Variants in MVB12B observed in about 807,000 individuals in gnomAD.
MVB12B encodes the protein ESCRT-I complex subunit MVB12B.
In MVB12B, 16 loss-of-function variants were observed where a neutral mutation model predicts 41.6. That is an observed-to-expected ratio of 0.38 (90% confidence interval 0.26 to 0.58). MVB12B has a LOEUF of 0.58. Ranked by LOEUF, MVB12B falls within the 20% of genes least tolerant of loss-of-function variation. The pLI, the probability that MVB12B is intolerant of heterozygous loss-of-function variation, is 0.62. For missense variants in MVB12B, 274 were observed against 380.2 expected, an observed-to-expected ratio of 0.72 and a Z score of 2.32; for synonymous variants, 133 against 139.7, an observed-to-expected ratio of 0.95 and a Z score of 0.34.
In MVB12B at chr9:126,468,873, C is replaced by T. The variant is rs1056557631; in HGVS notation, c.758-12496C>T. Among the ~76,000 whole-genome samples, 1 of 152,188 alleles carries T rather than the reference C, an allele frequency of 6.6e-6. No homozygotes were observed. The highest frequency in any genetic ancestry group is 1.5e-5 in the Non-Finnish European group (1 of 68,040). ...AGGCTGGTTCTTGGTTGTCTCTGGA[C>T]CCTACTTCTATGCAACAGTTAAAAA... On this transcript the variant is annotated intron_variant, in intron 7 of 9. Transcript: ENST00000361171. This position sits in a 1 kb window ranked among gnomAD's most constrained non-coding sequence, Gnocchi z 4.3.
chr9:126,358,173 A>G (rs1033611738), intron 2 of MVB12B, among the ~76,000 whole-genome samples: 16 of 152,192 alleles, frequency 1.1e-4, no homozygotes, highest in African/African-American at 2.9e-4. Flanking sequence ...CCATTGATCT[A>G]TAAGTCTGCC....
At position 126,340,535 on chromosome 9, in the gene MVB12B, G is replaced by A. The variant is rs775267564; in HGVS notation, c.109G>A (p.Asp37Asn). The A allele has an allele frequency of 6.2e-7, 1 of 1,614,142 alleles. No homozygotes were observed. The highest frequency in any genetic ancestry group is 1.3e-5 in the African/African-American group (1 of 75,050). ...TDQSTMPEVK[D>N]LSEALPETSM... The stretch of plus-strand genomic sequence containing the variant: ...CCAGTCCACCATGCCTGAAGTCAAA[G>A]ACCTCTCAGAAGCCTTGCCAGAAAC... The change falls in exon 2 of 10, where the codon GAC becomes AAC. Residue 37 changes from aspartate (D) to asparagine (N), a missense_variant. Physicochemically the swap from Asp to Asn is conservative, Grantham distance 23 (BLOSUM62 1). Transcript: ENST00000361171. The surrounding 1 kb of genome is among the most constrained non-coding windows in gnomAD (Gnocchi z 4.0).
chr9:126,347,226 G>A (rs972894726), intron 2 of MVB12B, among the ~76,000 whole-genome samples: 8 of 152,244 alleles, frequency 5.3e-5, no homozygotes, highest in African/African-American at 1.7e-4. Flanking sequence ...GAGGGGCACC[G>A]GGTCATGTTT....
intron 3 of MVB12B, among the ~76,000 whole-genome samples, chr9:126,384,839 T>A (rs1045456839): frequency 6.0e-5 from 9 of 149,032 alleles, no homozygotes; most frequent in Admixed American, 1.3e-4. Flanking sequence ...GGCAGATTTT[T>A]TTTTTTTTTT....
At position 126,398,758 on chromosome 9, in the gene MVB12B, C is replaced by CT. The variant is rs1232303570; in HGVS notation, c.662+3061_662+3062insT. Among the ~76,000 whole-genome samples, 417 of 152,346 alleles carry CT rather than the reference C, an allele frequency of 2.7e-3. 1 individual carries two copies. Among genetic ancestry groups the CT allele is most frequent in the African/African-American group, 9.7e-3 (402 of 41,564 alleles). Reference sequence around the variant, plus strand: ...CCGCAGAGCCCTGGCCCAGGCCAGCCAGGAGGACCTAGGAAGCGGTGGGTC... The same window carrying CT: ...CCGCAGAGCCCTGGCCCAGGCCAGCCTAGGAGGACCTAGGAAGCGGTGGGTC... On this transcript the variant is annotated intron_variant, in intron 6 of 9. Coordinates refer to ENST00000361171, the MANE Select transcript of MVB12B (RefSeq NM_033446.3).
At position 126,403,182 on chromosome 9, in the gene MVB12B, C is replaced by A. The variant is rs1564311977; in HGVS notation, c.662+7485C>A. Among the ~76,000 whole-genome samples, 3 of 152,230 alleles carry A rather than the reference C, an allele frequency of 2.0e-5. No homozygotes were observed. In the South Asian group the frequency reaches 6.2e-4, roughly 32 times the overall value. On this transcript the variant is annotated intron_variant, in intron 6 of 9. Coordinates refer to ENST00000361171, the MANE Select transcript of MVB12B (RefSeq NM_033446.3). ...TTCCTTTTTCCTCAATCGAGAACTT[C>A]ACTGGCTTCCTGTTATCCGACCGCC...
chr9:126,438,493 C>T (rs150384483), intron 7 of MVB12B, among the ~76,000 whole-genome samples: 1 of 152,250 alleles, frequency 6.6e-6, no homozygotes, highest in Admixed American at 6.5e-5. Flanking sequence ...GTGTTGGTGT[C>T]GGATCCAAGT....
chr9:126,440,149 T>G (rs6478739), intron 7 of MVB12B, among the ~76,000 whole-genome samples: 134,828 of 152,198 alleles, frequency 0.89, 59,823 homozygotes, highest in East Asian at 1. Flanking sequence ...CCCCTTGCTG[T>G]ATGGAGCCTT....
rs901650361 is a variant in MVB12B, at chr9:126,333,173, G to A, written c.81+6163G>A. 4.0e-5 allele frequency among the ~76,000 whole-genome samples: 6 copies of A among 151,794 alleles called. No homozygotes were observed. Among genetic ancestry groups the A allele is most frequent in the South Asian group, 2.1e-4 (1 of 4,794 alleles). On this transcript the variant is annotated intron_variant, in intron 1 of 9. Transcript: ENST00000361171. This position sits in a 1 kb window ranked among gnomAD's most constrained non-coding sequence, Gnocchi z 4.7. ...GCAATCTTGGCTCACTGCAACCTCC[G>A]CCACCCAGGTTCAAGTGATTCTTCT...
At chr9:126,394,142 G>A (rs911774392) in intron 5 of MVB12B, among the ~76,000 whole-genome samples, 19 of 152,248 alleles carry the variant, frequency 1.2e-4, no homozygotes, top group Admixed American at 2.0e-4. Flanking sequence ...TTTGCAACAC[G>A]GTTTACACTA....
chr9:126,346,065 G>A (rs1294585613), intron 2 of MVB12B, among the ~76,000 whole-genome samples: 1 of 152,196 alleles, frequency 6.6e-6, no homozygotes, highest in East Asian at 1.9e-4. Context: ...CCACGCTAAG[G>A]AATTTGCAAT....
At chr9:126,448,611 C>T (rs1564335020) in intron 7 of MVB12B, among the ~76,000 whole-genome samples, 2 of 152,166 alleles carry the variant, frequency 1.3e-5, no homozygotes, top group Admixed American at 6.5e-5. Flanking sequence ...TGGTGAGGGC[C>T]TCAGGAAGCT....
At chr9:126,496,821 G>A (rs1286157188) in intron 9 of MVB12B, among the ~76,000 whole-genome samples, 1 of 152,038 alleles carries the variant, frequency 6.6e-6, no homozygotes, top group Non-Finnish European at 1.5e-5. Flanking sequence ...GCCAGATCCT[G>A]GGTGGAAGGT....
intron 2 of MVB12B, among the ~76,000 whole-genome samples, chr9:126,351,646 T>C (rs984660636): frequency 1.7e-4 from 26 of 152,102 alleles, no homozygotes; most frequent in African/African-American, 6.3e-4. Context: ...TGTGCCACCA[T>C]GCCCAGCTAA....
chr9:126,439,562 C>T (rs1048349126), intron 7 of MVB12B, among the ~76,000 whole-genome samples: 63 of 152,254 alleles, frequency 4.1e-4, no homozygotes, highest in Admixed American at 3.3e-3. Flanking sequence ...CTAATTAAAC[C>T]GAACATGAAG....
chr9:126,459,714 T>C lies in MVB12B; in HGVS notation c.758-21655T>C, dbSNP rs932134134. Among the ~76,000 whole-genome samples, 2 of 151,964 alleles carry C rather than the reference T, an allele frequency of 1.3e-5. No homozygotes were observed. Among genetic ancestry groups the C allele is most frequent in the African/African-American group, 4.8e-5 (2 of 41,348 alleles). ...CTTCTGGATGTGGGGCAGCTTGGAG[T>C]GCGCAGTTGTTACAGCGCTCACAGG... is the stretch of plus-strand genomic sequence containing the variant. On this transcript the variant is annotated intron_variant, in intron 7 of 9. Coordinates refer to ENST00000361171, the MANE Select transcript of MVB12B (RefSeq NM_033446.3). This position sits in a 1 kb window ranked among gnomAD's most constrained non-coding sequence, Gnocchi z 4.3.
chr9:126,408,224 T>C lies in MVB12B; in HGVS notation c.662+12527T>C, dbSNP rs918566073. 6 of 152,198 alleles carry C rather than the reference T, an allele frequency of 3.9e-5. No individual in the cohort carries two copies. In the East Asian group the frequency reaches 1.2e-3, roughly 29 times the overall value. 9.4% of individuals were successfully genotyped at this position (152,198 alleles called of 1,614,324 possible). On this transcript the variant is annotated intron_variant, in intron 6 of 9. Coordinates refer to ENST00000361171, the MANE Select transcript of MVB12B (RefSeq NM_033446.3). ...TCGCCATGGTTGTGCGGCAGCAGTGTTGTGAATATGTCATCCGGCACCCGT... is the reference window on the plus strand; with the variant it reads ...TCGCCATGGTTGTGCGGCAGCAGTGCTGTGAATATGTCATCCGGCACCCGT...
intron 7 of MVB12B, among the ~76,000 whole-genome samples, chr9:126,451,374 C>T (rs993370775): frequency 6.6e-6 from 1 of 152,208 alleles, no homozygotes; most frequent in Non-Finnish European, 1.5e-5. Context: ...TCTCAAAGGC[C>T]TAGGCCTTTT....
rs995492562 is a variant in MVB12B, at chr9:126,392,335, C to G, written c.539+140C>G. 1 of 960,298 alleles carries G rather than the reference C, an allele frequency of 1.0e-6. No homozygotes were observed. The highest frequency in any genetic ancestry group is 1.6e-6 in the Non-Finnish European group (1 of 641,250). The allele number at this position is 960,298 out of a possible 1,614,324, so 59.5% of individuals were successfully genotyped here. On this transcript the variant is annotated intron_variant, in intron 5 of 9. Transcript: ENST00000361171. This position sits in a 1 kb window ranked among gnomAD's most constrained non-coding sequence, Gnocchi z 4.8. Reference sequence around the variant, plus strand: ...GCCTCTGTCAGCCCAGTGCTCCTCGCTGCCCTTCCTGCTCAGCTGCGGTCT... The same window carrying G: ...GCCTCTGTCAGCCCAGTGCTCCTCGGTGCCCTTCCTGCTCAGCTGCGGTCT...
Sources: gnomAD v4.1 joint callset for allele counts (sites outside exome capture counted in the v4.1 genomes callset) on GRCh38, gnomAD v4.1.1 for gene constraint, Gnocchi (gnomAD v3.1) non-coding constraint, MANE v1.5 for transcripts, NCBI Gene and HGNC (gene_info 2026-07-23, HGNC 2026-07-21) for gene names.